The following FCN2 variants were observed in gnomAD, a reference collection of about 807,000 sequenced individuals.
FCN2 encodes the protein ficolin-2.
A neutral mutation model predicts 32.5 loss-of-function variants in FCN2; 31 were observed. The ratio of observed to expected loss-of-function variants is 0.96; its 90% CI spans 0.72 to 1.29. The LOEUF is 1.29. Ranked by LOEUF, FCN2 falls within the 50% of genes most tolerant of loss-of-function variation. FCN2 has a pLI of 0.00. For missense variants in FCN2, 412 were observed against 406.5 expected (o/e 1.01, Z -0.12); for synonymous variants, 181 against 164.5 (o/e 1.10, Z -0.77).
chr9:134,875,747 C>G, the FCN2 span, among the ~76,000 whole-genome samples: 1 of 152,168 alleles, frequency 6.6e-6, no homozygotes, highest in Non-Finnish European at 1.5e-5. Flanking sequence ...CTAAACTGAA[C>G]CAGCTTAAAA....
In FCN2 at chr9:134,885,640, G is replaced by A. The variant is rs1830739521; in HGVS notation, c.430-128G>A. The A allele has an allele frequency of 3.1e-6, 4 of 1,295,828 alleles. No individual in the cohort carries two copies. The African/African-American group carries it at 5.8e-5, about 19-fold the overall frequency. The allele number at this position is 1,295,828 out of a possible 1,614,324, so 80.3% of individuals were successfully genotyped here. ...TGTGGAGTCTGTGAGGAGAACAGGT[G>A]GGCGTGCTGGTGACCCCGCCTGTGA... On this transcript the variant is annotated intron_variant, in intron 5 of 7. Coordinates refer to ENST00000291744, the MANE Select transcript of FCN2 (RefSeq NM_004108.3).
At chr9:134,870,660 A>G in the FCN2 span, among the ~76,000 whole-genome samples, 2 of 152,232 alleles carry the variant, frequency 1.3e-5, no homozygotes, top group Admixed American at 1.3e-4. This position sits in a 1 kb window ranked among gnomAD's most constrained non-coding sequence, Gnocchi z 4.3. Context: ...CCAGCCCACC[A>G]CTGACCGCAC....
intron 1 of FCN2, among the ~76,000 whole-genome samples, chr9:134,881,689 A>G (rs73565971): frequency 0.12 from 18,114 of 152,154 alleles, 1,153 homozygotes; most frequent in East Asian, 0.18. Context: ...TGTGACTAGC[A>G]TCGCATTCAA....
upstream of FCN2, among the ~76,000 whole-genome samples, chr9:134,877,595 G>C (rs187611693): frequency 5.0e-3 from 759 of 152,230 alleles, 1 homozygote; most frequent in Non-Finnish European, 8.3e-3. Context: ...TTTACCTTCC[G>C]GCAACATGAA....
At chr9:134,884,907 T>C (rs1451358006) in intron 4 of FCN2, 135 bp downstream of exon 4, 4 of 856,976 alleles carry the variant, frequency 4.7e-6, no homozygotes, top group African/African-American at 3.3e-5. Context: ...CGTTTCCTTG[T>C]CCCCTAATTA....
chr9:134,880,965 GA>G, intron 1 of FCN2, 44 bp downstream of exon 1: 1 of 1,439,556 alleles, frequency 6.9e-7, no homozygotes, highest in Non-Finnish European at 9.7e-7. Flanking sequence ...TCTCGTCCCT[GA>G]AAGCTGGCAG....
At chr9:134,886,376 A>T (rs1295324301) in intron 6 of FCN2, 54 bp from the exon 7 acceptor site, 2 of 1,609,512 alleles carry the variant, frequency 1.2e-6, no homozygotes, top group Non-Finnish European at 1.7e-6. Context: ...CCCAGCTCCC[A>T]TGTCTAAAGG....
chr9:134,884,254 C>T (rs1199588560), intron 3 of FCN2, among the ~76,000 whole-genome samples: 4 of 152,166 alleles, frequency 2.6e-5, no homozygotes, highest in African/African-American at 9.7e-5. Context: ...CCTTTACTCA[C>T]TCACCTTTAC....
intron 2 of FCN2, 137 bp from the exon 3 acceptor site, chr9:134,883,165 T>C: frequency 1.2e-6 from 1 of 802,132 alleles, no homozygotes; most frequent in East Asian, 2.5e-5. Flanking sequence ...TGGGCAAGCC[T>C]GGGCGGGGCC....
the FCN2 span, among the ~76,000 whole-genome samples, chr9:134,875,451 G>T: frequency 4.6e-5 from 7 of 152,122 alleles, no homozygotes; most frequent in Non-Finnish European, 7.3e-5. Context: ...AGTGTAGAGA[G>T]AATCTATGAT....
At chr9:134,883,693 T>C (rs1166894956) in intron 3 of FCN2, among the ~76,000 whole-genome samples, 1 of 138,456 alleles carries the variant, frequency 7.2e-6, no homozygotes, top group African/African-American at 2.8e-5. Flanking sequence ...AGGGAGAGGT[T>C]CTTGGGGTGT....
chr9:134,882,792 G>A (rs923312371), intron 2 of FCN2, among the ~76,000 whole-genome samples, 153 bp downstream of exon 2: 2 of 152,212 alleles, frequency 1.3e-5, no homozygotes, highest in African/African-American at 4.8e-5. Context: ...GCCCAACAGG[G>A]TTCTGACATG....
At position 134,880,901 on chromosome 9, in the gene FCN2, AG is replaced by A; in HGVS notation, c.82del (p.Ala28ArgfsTer8). 6 of 1,613,128 alleles carry A rather than the reference AG, an allele frequency of 3.7e-6. No individual in the cohort carries two copies. Among genetic ancestry groups the A allele is most frequent in the Non-Finnish European group, 5.1e-6 (6 of 1,179,810 alleles). ...LSFLGMAWALQAADTCPEVKM... is the reference protein window; with the variant it reads ...LSFLGMAWALXAADTCPEVKM... ...TTCCTGGGCATGGCCTGGGCTCTCC[AG>A]GCGGCAGACACCTGTCCAGGTAAGG... On this transcript the variant is annotated frameshift_variant, in exon 1 of 8. Coordinates refer to ENST00000291744, the MANE Select transcript of FCN2 (RefSeq NM_004108.3). LOFTEE classifies it high-confidence loss of function.
intron 3 of FCN2, among the ~76,000 whole-genome samples, 162 bp downstream of exon 3, chr9:134,883,517 G>A (rs972233532): frequency 1.3e-5 from 2 of 151,488 alleles, no homozygotes; most frequent in African/African-American, 4.9e-5. Context: ...GGGTCTCAGT[G>A]TGGGGGAAGG....
intron 1 of FCN2, among the ~76,000 whole-genome samples, chr9:134,881,387 G>A (rs894702741): frequency 6.6e-6 from 1 of 152,170 alleles, no homozygotes; most frequent in African/African-American, 2.4e-5. Context: ...GGACCTGCTG[G>A]GCTCTGGAGA....
the FCN2 span, among the ~76,000 whole-genome samples, chr9:134,873,909 G>GTTTTT: frequency 1.1e-4 from 2 of 18,322 alleles, no homozygotes; most frequent in East Asian, 3.8e-3. Context: ...GTTTTTTTTT[G>GTTTTT]TTTTTGTTTT....
At chr9:134,880,787 A>T, upstream of FCN2, 2 of 1,551,192 alleles carry the variant, frequency 1.3e-6, no homozygotes, top group Non-Finnish European at 1.8e-6. Context: ...GCCCTATAAG[A>T]GGGCAGGCAC....
At chr9:134,872,070 C>T in the FCN2 span, among the ~76,000 whole-genome samples, 1 of 152,194 alleles carries the variant, frequency 6.6e-6, no homozygotes, top group African/African-American at 2.4e-5. Flanking sequence ...CTTCCTCCCC[C>T]CGGCAGACCT....
At chr9:134,877,893 C>T (rs188034083), upstream of FCN2, among the ~76,000 whole-genome samples, 192 of 152,222 alleles carry the variant, frequency 1.3e-3, no homozygotes, top group African/African-American at 4.2e-3. Flanking sequence ...AAGTATTGAT[C>T]CTGGGTGTTT....
Sources: allele counts gnomAD v4.1 joint callset (sites outside exome capture counted in the v4.1 genomes callset), GRCh38; gene constraint gnomAD v4.1.1; non-coding constraint Gnocchi (gnomAD v3.1); transcripts MANE v1.5; gene names NCBI Gene and HGNC (gene_info 2026-07-23, HGNC 2026-07-21).